Variants in ZSCAN25 observed in about 807,000 individuals in gnomAD.
ZSCAN25 encodes the protein zinc finger and SCAN domain containing 25, also known as zinc finger and SCAN domain-containing protein 25.
Under a neutral mutation model 38.7 loss-of-function variants are expected in ZSCAN25, and 27 were observed. The ratio of observed to expected loss-of-function variants is 0.70; its 90% CI spans 0.51 to 0.96. The LOEUF is 0.96. ZSCAN25 is among the 40% of genes least tolerant of loss of function. ZSCAN25 has a pLI of 0.00. For synonymous variants in ZSCAN25, 273 were observed against 277.7 expected (o/e 0.98, Z 0.17); for missense variants, 637 against 705.9 (o/e 0.90, Z 1.11).
the ZSCAN25 span, among the ~76,000 whole-genome samples, chr7:99,700,225 T>G: frequency 6.6e-6 from 1 of 152,086 alleles, no homozygotes; most frequent in African/African-American, 2.4e-5. Flanking sequence ...CACACACCCC[T>G]TTGCTTACCT....
chr7:99,629,661 A>T lies in ZSCAN25; in HGVS notation c.1276A>T (p.Thr426Ser), dbSNP rs1584369995. The T allele has an allele frequency of 2.5e-6, 4 of 1,614,090 alleles. No homozygotes were observed. The highest frequency in any genetic ancestry group is 1.7e-4 in the Middle Eastern group (1 of 6,060). Residue 426 changes from threonine (T) to serine (S), a missense_variant, in exon 8 of 8, where the codon ACT (threonine) becomes TCT (serine). Coordinates refer to ENST00000394152, the MANE Select transcript of ZSCAN25 (RefSeq NM_145115.3). This position sits in a 1 kb window ranked among gnomAD's most constrained non-coding sequence, Gnocchi z 5.6. ...HHLEVHQRSH[T>S]GEKPYKCGDC... ...CCTGGAGGTGCACCAGCGCAGCCAC[A>T]CTGGGGAGAAGCCCTACAAGTGCGG...
the ZSCAN25 span, chr7:99,660,402 A>C: frequency 6.7e-7 from 1 of 1,488,092 alleles, no homozygotes; most frequent in Non-Finnish European, 8.9e-7. Context: ...GGAATCAGTG[A>C]TTATGCTTTT....
At chr7:99,664,770 AAAG>A in the ZSCAN25 span, among the ~76,000 whole-genome samples, 3 of 152,350 alleles carry the variant, frequency 2.0e-5, no homozygotes, top group South Asian at 2.1e-4. Context: ...CAAAACACTA[AAAG>A]AAGAAGAGCA....
chr7:99,617,423 A>G (rs1806564162), intron 1 of ZSCAN25, among the ~76,000 whole-genome samples: 1 of 152,202 alleles, frequency 6.6e-6, no homozygotes, highest in Non-Finnish European at 1.5e-5. Flanking sequence ...TCTCTACAAA[A>G]ATTGAAAAGT....
chr7:99,638,479 C>T, the ZSCAN25 span: 18 of 1,520,810 alleles, frequency 1.2e-5, no homozygotes, highest in African/African-American at 1.2e-4. Context: ...CAAGCCTCAT[C>T]GGTGCGGTGG....
the ZSCAN25 span, chr7:99,660,790 G>A: frequency 1.8e-6 from 2 of 1,114,158 alleles, no homozygotes; most frequent in Non-Finnish European, 2.5e-6. Context: ...CACACTGGGA[G>A]TGGTTTTCAT....
the ZSCAN25 span, among the ~76,000 whole-genome samples, chr7:99,661,632 A>G: frequency 6.6e-6 from 1 of 152,356 alleles, no homozygotes; most frequent in South Asian, 2.1e-4. Flanking sequence ...AGAAATAAAT[A>G]TGGTGCCTGC....
chr7:99,700,699 C>A, the ZSCAN25 span, among the ~76,000 whole-genome samples: 1 of 152,124 alleles, frequency 6.6e-6, no homozygotes, highest in South Asian at 2.1e-4. Flanking sequence ...AGGGCACAGT[C>A]TGGTATTATT....
the ZSCAN25 span, among the ~76,000 whole-genome samples, chr7:99,678,895 A>G: frequency 3.3e-5 from 5 of 152,348 alleles, no homozygotes; most frequent in South Asian, 2.1e-4. Context: ...CCCACAGTGG[A>G]AAGTAACTCT....
At chr7:99,649,501 A>C in the ZSCAN25 span, among the ~76,000 whole-genome samples, 146 of 152,336 alleles carry the variant, frequency 9.6e-4, 1 homozygote, top group African/African-American at 3.3e-3. Context: ...GTAGTCCTTC[A>C]TATCCACCAG....
chr7:99,708,027 A>T, the ZSCAN25 span: 1 of 1,612,712 alleles, frequency 6.2e-7, no homozygotes, highest in Non-Finnish European at 8.5e-7. Context: ...TACCTCTAAG[A>T]GTTACATGTT....
the ZSCAN25 span, among the ~76,000 whole-genome samples, chr7:99,678,282 C>T: frequency 0.011 from 1,618 of 152,294 alleles, 22 homozygotes; most frequent in African/African-American, 0.037. Flanking sequence ...GTGACCTCCA[C>T]GGTGGGGCCA....
chr7:99,687,193 GAGA>G, the ZSCAN25 span, among the ~76,000 whole-genome samples: 13 of 152,362 alleles, frequency 8.5e-5, no homozygotes, highest in South Asian at 2.7e-3. Context: ...GGCAAGTTGA[GAGA>G]AGAAGGCTTC....
chr7:99,668,476 T>C, the ZSCAN25 span, among the ~76,000 whole-genome samples: 1 of 152,236 alleles, frequency 6.6e-6, no homozygotes, highest in Non-Finnish European at 1.5e-5. Flanking sequence ...CATTTTGAGT[T>C]TTTTTGCAAT....
At chr7:99,674,018 T>G in the ZSCAN25 span, among the ~76,000 whole-genome samples, 15 of 152,266 alleles carry the variant, frequency 9.9e-5, no homozygotes, top group Middle Eastern at 3.4e-3. Flanking sequence ...GTGATGTCAC[T>G]AATTGTTTTT....
chr7:99,706,954 G>A, the ZSCAN25 span, among the ~76,000 whole-genome samples: 3 of 152,264 alleles, frequency 2.0e-5, no homozygotes, highest in South Asian at 6.2e-4. Context: ...AAAATATAGA[G>A]AACAAAACTC....
the ZSCAN25 span, chr7:99,662,736 A>G: frequency 3.0e-6 from 4 of 1,355,572 alleles, no homozygotes; most frequent in Admixed American, 1.8e-5. The surrounding 1 kb of genome is among the most constrained non-coding windows in gnomAD (Gnocchi z 4.3). Flanking sequence ...TCTTCCTGGA[A>G]TACTTCCTGC....
chr7:99,714,100 C>G, the ZSCAN25 span, among the ~76,000 whole-genome samples: 1 of 152,206 alleles, frequency 6.6e-6, no homozygotes, highest in African/African-American at 2.4e-5. Flanking sequence ...AAATGTAACA[C>G]ACACTACACT....
chr7:99,657,467 T>C, the ZSCAN25 span, among the ~76,000 whole-genome samples: 1 of 152,238 alleles, frequency 6.6e-6, no homozygotes, highest in African/African-American at 2.4e-5. Flanking sequence ...ATAATGTCTG[T>C]TCTTTTACAT....
Sources: gnomAD v4.1 joint callset for allele counts (sites outside exome capture counted in the v4.1 genomes callset) on GRCh38, gnomAD v4.1.1 for gene constraint, Gnocchi (gnomAD v3.1) non-coding constraint, MANE v1.5 for transcripts, NCBI Gene and HGNC (gene_info 2026-07-23, HGNC 2026-07-21) for gene names.